The following PLG variants were observed in gnomAD, a reference collection of about 807,000 sequenced individuals.
PLG encodes plasminogen.
In PLG, 41 loss-of-function variants were observed where a neutral mutation model predicts 104.4. The observed-to-expected ratio is 0.39, with a 90% CI of 0.31 to 0.51. The LOEUF is 0.51. Among genes scored for constraint, PLG ranks in the 20% least tolerant of loss-of-function variants. The pLI is 0.76. For missense variants in PLG, 891 were observed against 1,003.6 expected (o/e 0.89, Z 1.52); for synonymous variants, 337 against 357.1 (o/e 0.94, Z 0.63).
At position 160,740,186 on chromosome 6, in the gene PLG, G is replaced by A. The variant is rs4252162; in HGVS notation, c.2018+978G>A. ...CCACAAGCCCAGGGCAGCTTCTCTG[G>A]GTCTGTGAACTGAGGGGTGATGTCC... On this transcript the variant is annotated intron_variant, in intron 16 of 18. Coordinates refer to ENST00000308192, the MANE Select transcript of PLG (RefSeq NM_000301.5). The surrounding 1 kb of genome is among the most constrained non-coding windows in gnomAD (Gnocchi z 5.2). Among the ~76,000 whole-genome samples the A allele has an allele frequency of 8.8e-3, 1,333 of 152,290 alleles. 19 individuals are homozygous for A. The highest frequency in any genetic ancestry group is 0.031 in the African/African-American group (1,288 of 41,540).
rs778073217 is a variant in PLG at position 160,722,461 on chromosome 6, A to G, written c.1150A>G (p.Ser384Gly). 3 of 1,612,604 alleles carry G rather than the reference A, an allele frequency of 1.9e-6. No individual in the cohort carries two copies. Among genetic ancestry groups the G allele is most frequent in the Non-Finnish European group, 2.5e-6 (3 of 1,178,774 alleles). The change falls in exon 10 of 19, where the codon AGC becomes GGC. Residue 384 changes from serine to glycine, a missense_variant. Transcript: ENST00000308192. ...GGACTGCTACCATGGTGATGGACAGAGCTACCGAGGCACATCCTCCACCAC... is the reference window on the plus strand; with the variant it reads ...GGACTGCTACCATGGTGATGGACAGGGCTACCGAGGCACATCCTCCACCAC... ...VQDCYHGDGQ[S>G]YRGTSSTTTT...
At chr6:160,728,628 G>A (rs1288718503) in intron 10 of PLG, among the ~76,000 whole-genome samples, 1 of 152,056 alleles carries the variant, frequency 6.6e-6, no homozygotes, top group Non-Finnish European at 1.5e-5. Flanking sequence ...CTAGGTAGGT[G>A]ACAAGGAAAT....
chr6:160,746,124 T>A (rs1386442565), intron 17 of PLG, among the ~76,000 whole-genome samples: 1 of 152,192 alleles, frequency 6.6e-6, no homozygotes, highest in African/African-American at 2.4e-5. Flanking sequence ...TCTTCTTGTA[T>A]AGAATCTCAC....
rs1018071003 is a variant in PLG at position 160,720,149 on chromosome 6, C to T, written c.1096+1311C>T. ...AATGTAGATACTGGGTTGAGAGTTT[C>T]ATCACTTGCAACACTTTAATGATGA... On this transcript the variant is annotated intron_variant, in intron 9 of 18. Transcript: ENST00000308192. Among the ~76,000 whole-genome samples, 12 of 152,036 alleles carry T rather than the reference C, an allele frequency of 7.9e-5. No individual in the cohort carries two copies. In the South Asian group the frequency reaches 1.0e-3, roughly 13 times the overall value.
At position 160,719,769 on chromosome 6, in the gene PLG, G is replaced by A. The variant is rs1777799417; in HGVS notation, c.1096+931G>A. On this transcript the variant is annotated intron_variant, in intron 9 of 18. Coordinates refer to ENST00000308192, the MANE Select transcript of PLG (RefSeq NM_000301.5). This position sits in a 1 kb window ranked among gnomAD's most constrained non-coding sequence, Gnocchi z 4.1. ...TTGACATATGAATCCTTACATCATT[G>A]CAGTTCTACTTCCTCCCTCCCAAAA... is the stretch of plus-strand genomic sequence containing the variant. Among the ~76,000 whole-genome samples the A allele has an allele frequency of 6.6e-6, 1 of 151,890 alleles. No homozygotes were observed. Among genetic ancestry groups the A allele is most frequent in the African/African-American group, 2.4e-5 (1 of 41,344 alleles).
At position 160,702,622 on chromosome 6, in the gene PLG, T is replaced by A. The variant is rs370489688; in HGVS notation, c.49+269T>A. Among the ~76,000 whole-genome samples, 4 of 152,190 alleles carry A rather than the reference T, an allele frequency of 2.6e-5. No homozygotes were observed. In the East Asian group the frequency reaches 7.7e-4, roughly 29 times the overall value. On this transcript the variant is annotated intron_variant, in intron 1 of 18. Transcript: ENST00000308192. ...GCACCCACATAATGGCCAGTCTAATTGAAAAAGAGCCAATGTAGCTAATTA... is the reference window on the plus strand; with the variant it reads ...GCACCCACATAATGGCCAGTCTAATAGAAAAAGAGCCAATGTAGCTAATTA...
chr6:160,753,076 G>C lies in PLG; in HGVS notation c.*15G>C. 1 of 1,517,810 alleles carries C rather than the reference G, an allele frequency of 6.6e-7. No homozygotes were observed. The highest frequency in any genetic ancestry group is 9.1e-7 in the Non-Finnish European group (1 of 1,099,822). The allele number at this position is 1,517,810 out of a possible 1,614,324, so 94.0% of individuals were successfully genotyped here. A position where few individuals can be genotyped will look rare whatever the true frequency, so the allele number is the denominator to read the frequency against. On this transcript the variant is annotated 3_prime_UTR_variant, in exon 19 of 19. Coordinates refer to ENST00000308192, the MANE Select transcript of PLG (RefSeq NM_000301.5). The surrounding 1 kb of genome is among the most constrained non-coding windows in gnomAD (Gnocchi z 5.4). ...GAAATAATTAATTGGACGGGAGACAGAGTGACGCACTGACTCACCTAGAGG... is the reference window on the plus strand; with the variant it reads ...GAAATAATTAATTGGACGGGAGACACAGTGACGCACTGACTCACCTAGAGG...
At chr6:160,748,445 G>GAAAGAAAGAAAGAGAACGAAAGAAAGA (rs1246120481) in intron 17 of PLG, among the ~76,000 whole-genome samples, 3 of 29,792 alleles carry the variant, frequency 1.0e-4, no homozygotes, top group Non-Finnish European at 1.7e-4. Flanking sequence ...AGAAAGAAGG[G>GAAAGAAAGAAAGAGAACGAAAGAAAGA]AGGGAGGGAG....
At chr6:160,727,087 G>A (rs898606406) in intron 10 of PLG, among the ~76,000 whole-genome samples, 2 of 151,814 alleles carry the variant, frequency 1.3e-5, no homozygotes, top group Non-Finnish European at 2.9e-5. Context: ...AGTAAAAAAA[G>A]GGAAGAGTCA....
rs773525076 is a variant in PLG at position 160,753,048 on chromosome 6, T to C, written c.2420T>C (p.Met807Thr). Residue 807 changes from methionine to threonine, a missense_variant, in exon 19 of 19, where the codon ATG (methionine) becomes ACG (threonine). Transcript: ENST00000308192. The surrounding 1 kb of genome is among the most constrained non-coding windows in gnomAD (Gnocchi z 5.4). ...SRFVTWIEGV[M>T]RNN is the part of the protein sequence containing the mutation. ...TTTGTTACTTGGATTGAGGGAGTGA[T>C]GAGAAATAATTAATTGGACGGGAGA... is the stretch of plus-strand genomic sequence containing the variant. 18 of 1,581,712 alleles carry C rather than the reference T, an allele frequency of 1.1e-5. No homozygotes were observed. The highest frequency in any genetic ancestry group is 1.6e-5 in the Non-Finnish European group (18 of 1,152,440).
chr6:160,730,642 A>G (rs1777984558), intron 10 of PLG: 1 of 216,592 alleles, frequency 4.6e-6, no homozygotes. Flanking sequence ...ACAGTCCTAT[A>G]GAGAGAAATA....
intron 2 of PLG, among the ~76,000 whole-genome samples, chr6:160,707,160 G>A (rs987510587): frequency 1.7e-4 from 26 of 152,190 alleles, no homozygotes; most frequent in African/African-American, 6.0e-4. Flanking sequence ...TTCTGAGGGG[G>A]ACCATTAAGA....
Position 160,737,331 on chromosome 6 carries a change from T to C in PLG, c.1802+324T>C, listed in dbSNP as rs930680005. ...TCTGAGGATTTCTATGGATATCCAT[T>C]GTCTCATTGTCAGATGAAAAGAGGG... is the stretch of plus-strand genomic sequence containing the variant. On this transcript the variant is annotated intron_variant, in intron 14 of 18. Transcript: ENST00000308192. The surrounding 1 kb of genome is among the most constrained non-coding windows in gnomAD (Gnocchi z 4.7). Among the ~76,000 whole-genome samples the C allele has an allele frequency of 3.3e-5, 5 of 152,216 alleles. No homozygotes were observed. Among genetic ancestry groups the C allele is most frequent in the Non-Finnish European group, 7.3e-5 (5 of 68,036 alleles).
At chr6:160,722,324 A>C in intron 9 of PLG, 84 bp from the exon 10 acceptor site, 4 of 868,910 alleles carry the variant, frequency 4.6e-6, no homozygotes, top group South Asian at 1.3e-5. Flanking sequence ...CTCAGAGGCT[A>C]CCGTACTGTT....
At position 160,726,065 on chromosome 6, in the gene PLG, TAC is replaced by T. The variant is rs1034100091; in HGVS notation, c.1256+3502_1256+3503del. On this transcript the variant is annotated intron_variant, in intron 10 of 18. Coordinates refer to ENST00000308192, the MANE Select transcript of PLG (RefSeq NM_000301.5). This position sits in a 1 kb window ranked among gnomAD's most constrained non-coding sequence, Gnocchi z 4.4. Reference sequence around the variant, plus strand: ...CCCAAACAAAATATAATAGAAAAAATACACAAAAAAATCAGAAAGAATATATA... The same window carrying T: ...CCCAAACAAAATATAATAGAAAAAATACAAAAAAATCAGAAAGAATATATA... 2.0e-4 allele frequency among the ~76,000 whole-genome samples: 31 copies of T among 151,998 alleles called. No homozygotes were observed. Among genetic ancestry groups the T allele is most frequent in the African/African-American group, 7.2e-4 (30 of 41,460 alleles).
At position 160,726,003 on chromosome 6, in the gene PLG, A is replaced by G. The variant is rs897413676; in HGVS notation, c.1256+3436A>G. Among the ~76,000 whole-genome samples, 1 of 152,180 alleles carries G rather than the reference A, an allele frequency of 6.6e-6. No homozygotes were observed. Among genetic ancestry groups the G allele is most frequent in the African/African-American group, 2.4e-5 (1 of 41,460 alleles). On this transcript the variant is annotated intron_variant, in intron 10 of 18. Coordinates refer to ENST00000308192, the MANE Select transcript of PLG (RefSeq NM_000301.5). This position sits in a 1 kb window ranked among gnomAD's most constrained non-coding sequence, Gnocchi z 4.4. Reference sequence around the variant, plus strand: ...GATAAGCCCACAATTAGAGTGGGAGATATCCTAATGTCTCTCTCCGTATGG... The same window carrying G: ...GATAAGCCCACAATTAGAGTGGGAGGTATCCTAATGTCTCTCTCCGTATGG...
At position 160,720,481 on chromosome 6, in the gene PLG, G is replaced by A. The variant is rs542852886; in HGVS notation, c.1096+1643G>A. 6.9e-5 allele frequency among the ~76,000 whole-genome samples: 9 copies of A among 131,128 alleles called. No homozygotes were observed. In the East Asian group the frequency reaches 1.6e-3, roughly 23 times the overall value. The allele number at this position is 131,128 out of a possible 152,430, so 86.0% of individuals were successfully genotyped here. A position where few individuals can be genotyped will look rare whatever the true frequency, so the allele number is the denominator to read the frequency against. ...GTCACCCAGGCTGGAGTGCAGTGGC[G>A]CAATCTCGGCTCACTGCAAACTCCA... On this transcript the variant is annotated intron_variant, in intron 9 of 18. Coordinates refer to ENST00000308192, the MANE Select transcript of PLG (RefSeq NM_000301.5).
In PLG at chr6:160,739,093, G is replaced by A. The variant is rs777359514; in HGVS notation, c.1903G>A (p.Val635Ile). 2 of 1,614,022 alleles carry A rather than the reference G, an allele frequency of 1.2e-6. No individual in the cohort carries two copies. Among genetic ancestry groups the A allele is most frequent in the East Asian group, 2.2e-5 (1 of 44,882 alleles). Residue 635 changes from valine (V) to isoleucine (I), a missense_variant, in exon 16 of 19, where the codon GTC becomes ATC. Transcript: ENST00000308192. The surrounding 1 kb of genome is among the most constrained non-coding windows in gnomAD (Gnocchi z 4.4). Reference protein sequence around the residue: ...EKSPRPSSYKVILGAHQEVNL... With the variant: ...EKSPRPSSYKIILGAHQEVNL... Reference sequence around the variant, plus strand: ...GTCCCCAAGGCCTTCATCCTACAAGGTCATCCTGGGTGCACACCAAGAAGT... The same window carrying A: ...GTCCCCAAGGCCTTCATCCTACAAGATCATCCTGGGTGCACACCAAGAAGT...
At chr6:160,750,474 T>G (rs1778384836) in intron 17 of PLG, among the ~76,000 whole-genome samples, 1 of 152,220 alleles carries the variant, frequency 6.6e-6, no homozygotes, top group Non-Finnish European at 1.5e-5. Flanking sequence ...CCCAGAGCAG[T>G]GACACCTAAC....
Sources: allele counts gnomAD v4.1 joint callset (sites outside exome capture counted in the v4.1 genomes callset), GRCh38; gene constraint gnomAD v4.1.1; non-coding constraint Gnocchi (gnomAD v3.1); transcripts MANE v1.5; gene names NCBI Gene and HGNC (gene_info 2026-07-23, HGNC 2026-07-21).